CSNK1G3: variants seen among roughly 807,000 people sequenced by gnomAD.
CSNK1G3 encodes the protein casein kinase I isoform gamma-3.
Under a neutral mutation model 64.3 loss-of-function variants are expected in CSNK1G3, and 23 were observed. The observed-to-expected ratio is 0.36, with a 90% confidence interval of 0.26 to 0.51. The LOEUF (loss-of-function observed/expected upper bound fraction) is 0.51. Among genes scored for constraint, CSNK1G3 ranks in the 20% least tolerant of loss-of-function variants. CSNK1G3 has a pLI of 0.96. For missense variants in CSNK1G3, 357 were observed against 510.5 expected, an observed-to-expected ratio of 0.70 and a Z score of 2.90; for synonymous variants, 158 against 162.2, an observed-to-expected ratio of 0.97 and a Z score of 0.20.
chr5:123,545,664 A>G (rs1206630937), exon 2 of CSNK1G3: 2 of 1,610,990 alleles, frequency 1.2e-6, no homozygotes, highest in Admixed American at 1.7e-5. Context: ...CAAACTTGAT[A>G]TGGAAAATAA....
intron 1 of CSNK1G3, among the ~76,000 whole-genome samples, chr5:123,527,386 AG>A (rs2150053286): frequency 6.6e-6 from 1 of 152,298 alleles, no homozygotes; most frequent in Non-Finnish European, 1.5e-5. Flanking sequence ...CTCTTGATTT[AG>A]CTGGGCAGAA....
At chr5:123,586,345 G>A (rs1228775222) in intron 6 of CSNK1G3, among the ~76,000 whole-genome samples, 1 of 152,140 alleles carries the variant, frequency 6.6e-6, no homozygotes, top group Non-Finnish European at 1.5e-5. Flanking sequence ...ATGCAGGTGT[G>A]TTTGTTGTTA....
chr5:123,563,500 T>G (rs1265162188), intron 4 of CSNK1G3, among the ~76,000 whole-genome samples: 2 of 152,082 alleles, frequency 1.3e-5, no homozygotes, highest in Admixed American at 6.6e-5. Flanking sequence ...TTACACTGGT[T>G]TATCGATGCC....
chr5:123,543,443 C>T (rs975799224), intron 1 of CSNK1G3, among the ~76,000 whole-genome samples: 4 of 152,070 alleles, frequency 2.6e-5, no homozygotes, highest in East Asian at 1.9e-4. Flanking sequence ...ATTTTCTGTT[C>T]GGTTTTTTTA....
chr5:123,556,327 C>T (rs1375759944), intron 3 of CSNK1G3, among the ~76,000 whole-genome samples: 1 of 152,054 alleles, frequency 6.6e-6, no homozygotes, highest in East Asian at 1.9e-4. Flanking sequence ...TTAACCTCAT[C>T]AATTCTGGAA....
chr5:123,603,839 G>T (rs575723871), intron 10 of CSNK1G3, among the ~76,000 whole-genome samples: 2 of 152,232 alleles, frequency 1.3e-5, no homozygotes, highest in South Asian at 2.1e-4. Flanking sequence ...AGCTCAGAGA[G>T]GTAGGCAGGC....
intron 6 of CSNK1G3, among the ~76,000 whole-genome samples, chr5:123,584,809 A>C (rs1791003995): frequency 6.6e-6 from 1 of 152,202 alleles, no homozygotes; most frequent in Non-Finnish European, 1.5e-5. Flanking sequence ...AGTTATTAGT[A>C]GCTTTCAAGA....
intron 4 of CSNK1G3, among the ~76,000 whole-genome samples, chr5:123,567,923 C>T (rs777685613): frequency 7.9e-5 from 12 of 152,234 alleles, no homozygotes; most frequent in South Asian, 2.1e-4. Context: ...ATTAGTGCTT[C>T]GGGATTTGAT....
chr5:123,527,805 A>G (rs1222053256), intron 1 of CSNK1G3, among the ~76,000 whole-genome samples: 1 of 152,214 alleles, frequency 6.6e-6, no homozygotes, highest in Non-Finnish European at 1.5e-5. Context: ...ATACTGAAGC[A>G]TACCCTTTTA....
chr5:123,559,718 T>C (rs77242220), intron 4 of CSNK1G3, among the ~76,000 whole-genome samples: 1 of 136,772 alleles, frequency 7.3e-6, no homozygotes, highest in African/African-American at 2.8e-5. Context: ...TTTTTTTTTT[T>C]GGTCATTTGT....
chr5:123,534,170 G>T (rs551621582), intron 1 of CSNK1G3, among the ~76,000 whole-genome samples: 3 of 151,908 alleles, frequency 2.0e-5, no homozygotes, highest in Admixed American at 6.6e-5. Context: ...AATACGACAG[G>T]CAATTATAAA....
At chr5:123,578,195 T>G (rs190021378) in intron 6 of CSNK1G3, among the ~76,000 whole-genome samples, 38 of 152,092 alleles carry the variant, frequency 2.5e-4, no homozygotes, top group African/African-American at 9.1e-4. Context: ...TTTTTCAGTT[T>G]GGTCCTATGG....
intron 1 of CSNK1G3, among the ~76,000 whole-genome samples, chr5:123,522,021 TA>T (rs1778196329): frequency 6.6e-6 from 1 of 152,230 alleles, no homozygotes. Context: ...TCCTTCTTTT[TA>T]CACTCTCAGC....
exon 13 of CSNK1G3, chr5:123,614,671 A>G (rs1749156543): frequency 6.7e-6 from 2 of 299,006 alleles, no homozygotes; most frequent in South Asian, 1.7e-4. Context: ...GTATCAATGA[A>G]TATAGTTCCA....
At chr5:123,602,721 G>C (rs1406672179) in intron 10 of CSNK1G3, among the ~76,000 whole-genome samples, 1 of 152,100 alleles carries the variant, frequency 6.6e-6, no homozygotes, top group Non-Finnish European at 1.5e-5. Flanking sequence ...AGAGTTTAAG[G>C]TGCCAAACTT....
chr5:123,582,367 T>C (rs970000454), intron 6 of CSNK1G3, among the ~76,000 whole-genome samples: 7 of 152,190 alleles, frequency 4.6e-5, no homozygotes, highest in African/African-American at 1.2e-4. Context: ...AGTTTTGAAG[T>C]AGTCACTTAA....
intron 5 of CSNK1G3, among the ~76,000 whole-genome samples, chr5:123,574,430 AAGG>A (rs1788746807): frequency 6.6e-6 from 1 of 152,252 alleles, no homozygotes; most frequent in Non-Finnish European, 1.5e-5. Context: ...ATAATAAAAA[AAGG>A]AGAAGCAACC....
intron 12 of CSNK1G3, among the ~76,000 whole-genome samples, chr5:123,606,321 G>A (rs1178764741): frequency 1.3e-5 from 2 of 152,034 alleles, no homozygotes; most frequent in African/African-American, 2.4e-5. Flanking sequence ...TCTTACTTGT[G>A]TGTTTTTAAA....
At chr5:123,587,585 C>T (rs976667876) in intron 6 of CSNK1G3, among the ~76,000 whole-genome samples, 1 of 152,162 alleles carries the variant, frequency 6.6e-6, no homozygotes, top group Non-Finnish European at 1.5e-5. Flanking sequence ...ATATATTACA[C>T]ACAATACTCC....
Sources: allele counts gnomAD v4.1 joint callset (sites outside exome capture counted in the v4.1 genomes callset), GRCh38; gene constraint gnomAD v4.1.1; transcripts MANE v1.5; gene names NCBI Gene and HGNC (gene_info 2026-07-23, HGNC 2026-07-21).